The following FBN3 variants were observed in gnomAD, a reference collection of about 807,000 sequenced individuals.
The protein encoded by FBN3 is fibrillin 3.
Under a neutral mutation model 330.1 loss-of-function variants are expected in FBN3, and 234 were observed. The observed-to-expected ratio is 0.71, with a 90% confidence interval of 0.64 to 0.79. The LOEUF (loss-of-function observed/expected upper bound fraction) is 0.79, where lower values mean the gene tolerates loss of function less well. Among genes scored for constraint, FBN3 ranks in the 30% least tolerant of loss-of-function variants. FBN3 has a pLI of 0.00. For synonymous variants in FBN3, 1,458 were observed against 1,517.3 expected (o/e 0.96, Z 0.91); for missense variants, 3,606 against 3,886.9 (o/e 0.93, Z 1.92).
chr19:8,074,658 C>T (rs1329298156), intron 61 of FBN3: 1 of 159,138 alleles, frequency 6.3e-6, no homozygotes, highest in Non-Finnish European at 1.4e-5. Context: ...GCTAGCCCCC[C>T]AAATGGAGGG....
chr19:8,111,161 G>A lies in FBN3; in HGVS notation c.4107C>T (p.Asn1369=), dbSNP rs142576414. 6.1e-4 allele frequency: 988 copies of A among 1,608,102 alleles called. 2 individuals are homozygous for A. The highest frequency in any genetic ancestry group is 5.8e-3 in the Middle Eastern group (35 of 6,030). The change falls in exon 33 of 64, where the codon AAC becomes AAT. Residue 1369 remains asparagine (N), a synonymous_variant. Transcript: ENST00000600128. ...ACTGCCCGTTGTCACAGAGGTCCAC[G>A]TTCTCGGCACATTCATCCCTGTCTG... ...FCEDRDECAE[N]VDLCDNGQCL...
chr19:8,089,679 G>T lies in FBN3; in HGVS notation c.6251-9C>A. 1 of 1,613,778 alleles carries T rather than the reference G, an allele frequency of 6.2e-7. No individual in the cohort carries two copies. Among genetic ancestry groups the T allele is most frequent in the South Asian group, 1.1e-5 (1 of 91,002 alleles). On this transcript the variant is annotated splice_polypyrimidine_tract_variant and intron_variant, in intron 50 of 63. Coordinates refer to ENST00000600128, the MANE Select transcript of FBN3 (RefSeq NM_032447.5). Reference sequence around the variant, plus strand: ...TGCACACTCATTCACGTCTGCGGATGGCAGGCGTTGCAGACATGGCTTCTG... The same window carrying T: ...TGCACACTCATTCACGTCTGCGGATTGCAGGCGTTGCAGACATGGCTTCTG...
At chr19:8,098,755 G>A (rs886793292) in intron 41 of FBN3, among the ~76,000 whole-genome samples, 1 of 152,096 alleles carries the variant, frequency 6.6e-6, no homozygotes, top group African/African-American at 2.4e-5. Flanking sequence ...GAAGTGTGTG[G>A]TATGTGAATT....
chr19:8,098,463 TGGAAACAAACTAAGTGTCCATCAGTGGGG>T (rs1477556377), intron 41 of FBN3, among the ~76,000 whole-genome samples: 2 of 150,852 alleles, frequency 1.3e-5, no homozygotes, highest in Non-Finnish European at 3.0e-5. Context: ...AGTGGGGGAC[TGGAAACAAACTAAGTGTCCATCAGTGGGG>T]GACTGGAAAC....
chr19:8,125,952 AC>A lies in FBN3; in HGVS notation c.2670del (p.Ser891LeufsTer10), dbSNP rs767000098. 6.2e-7 allele frequency: 1 copy of A among 1,613,780 alleles called. No individual in the cohort carries two copies. Among genetic ancestry groups the A allele is most frequent in the East Asian group, 2.2e-5 (1 of 44,860 alleles). The part of the protein sequence containing the change: ...CPNGRCVNTA[G>X]SFRCECPEGL... The stretch of plus-strand genomic sequence containing the variant: ...CCCTCTGGACACTCACAGCGGAAAG[AC>A]CCAGCAGTGTTGACGCAACGCCCGT... On this transcript the variant is annotated frameshift_variant, in exon 22 of 64. Transcript: ENST00000600128. LOFTEE classifies it high-confidence loss of function.
Position 8,106,226 on chromosome 19 carries a change from G to A in FBN3, c.4695C>T (p.Asp1565=), listed in dbSNP as rs576030557. 1.6e-4 allele frequency: 261 copies of A among 1,614,098 alleles called. 3 individuals are homozygous for A. In the South Asian group the frequency reaches 2.0e-3, roughly 12 times the overall value. The stretch of plus-strand genomic sequence containing the variant: ...ACAGCCCTGGCAGCTCTTGGCACTC[G>A]TCGATGTCTGTCAGGAAGTAAGGAA... ...NRITVILEDI[D]ECQELPGLCQ... is the part of the protein sequence containing the mutation. Residue 1565 remains aspartate (D), a synonymous_variant, in exon 38 of 64, where the codon GAC becomes GAT. Transcript: ENST00000600128.
chr19:8,112,215 C>T, intron 30 of FBN3, 116 bp from the exon 31 acceptor site: 1 of 1,123,298 alleles, frequency 8.9e-7, no homozygotes, highest in Non-Finnish European at 1.3e-6. Context: ...CCCAGAAAGC[C>T]TCCTCCCATT....
chr19:8,129,067 G>T lies in FBN3; in HGVS notation c.2257C>A (p.Pro753Thr), dbSNP rs201220144. Residue 753 changes from proline (P) to threonine (T), a missense_variant, in exon 18 of 64, where the codon CCC (proline) becomes ACC (threonine). Coordinates refer to ENST00000600128, the MANE Select transcript of FBN3 (RefSeq NM_032447.5). The surrounding 1 kb of genome is among the most constrained non-coding windows in gnomAD (Gnocchi z 4.5). ...GTGTCCTGCCAGAAGTGGAAGCCGG[G>T]GGGGCAGGAGCAGCTGTAGCTGCCA... The part of the protein sequence containing the change: ...SPGSYSCSCP[P>T]GFHFWQDTEI... 48 of 1,613,336 alleles carry T rather than the reference G, an allele frequency of 3.0e-5. No individual in the cohort carries two copies. Among genetic ancestry groups the T allele is most frequent in the Middle Eastern group, 1.7e-4 (1 of 5,778 alleles).
chr19:8,096,385 G>C lies in FBN3; in HGVS notation c.5539+59C>G. 3.2e-6 allele frequency: 5 copies of C among 1,571,760 alleles called. No individual in the cohort carries two copies. The highest frequency in any genetic ancestry group is 4.3e-6 in the Non-Finnish European group (5 of 1,156,186). The stretch of plus-strand genomic sequence containing the variant: ...GACAGAAACACCACTTCCATCCCAG[G>C]GGAGGTTTAGACCCCAGGCAGCCTG... On this transcript the variant is annotated intron_variant, in intron 44 of 63. Transcript: ENST00000600128. The surrounding 1 kb of genome is among the most constrained non-coding windows in gnomAD (Gnocchi z 4.6).
chr19:8,068,363 C>T (rs1422243845), intron 63 of FBN3, among the ~76,000 whole-genome samples: 1 of 148,522 alleles, frequency 6.7e-6, no homozygotes, highest in Non-Finnish European at 1.5e-5. Flanking sequence ...TGCACTCCAG[C>T]CTGGGCGACA....
chr19:8,105,250 G>GTGGC (rs377186214), intron 38 of FBN3, among the ~76,000 whole-genome samples: 5 of 150,800 alleles, frequency 3.3e-5, no homozygotes, highest in African/African-American at 1.2e-4. Context: ...ACTGTGCCCA[G>GTGGC]TCTTTTTTTT....
intron 56 of FBN3, among the ~76,000 whole-genome samples, chr19:8,084,453 C>T (rs1235295155): frequency 6.6e-6 from 1 of 151,912 alleles, no homozygotes; most frequent in Non-Finnish European, 1.5e-5. Flanking sequence ...GGGCGGATCA[C>T]TTGAGGCCAG....
In FBN3 at chr19:8,085,458, C is replaced by T. The variant is rs753718107; in HGVS notation, c.6992G>A (p.Gly2331Asp). 2 of 1,576,840 alleles carry T rather than the reference C, an allele frequency of 1.3e-6. No individual in the cohort carries two copies. The highest frequency in any genetic ancestry group is 1.9e-5 in the Admixed American group (1 of 53,874). ...ACAGAGCTCGCAGCGGGGCCCCCAG[C>T]CCCGGCCACCCCCACAGCAGCACTC... is the stretch of plus-strand genomic sequence containing the variant. The part of the protein sequence containing the change: ...RAECCCGGGR[G>D]WGPRCELCPL... Residue 2331 changes from glycine (G) to aspartate (D), a missense_variant, in exon 56 of 64, where the codon GGC (glycine) becomes GAC (aspartate). Gly to Asp is a moderately conservative substitution (Grantham distance 94, BLOSUM62 -1). Coordinates refer to ENST00000600128, the MANE Select transcript of FBN3 (RefSeq NM_032447.5).
In FBN3 at chr19:8,080,181, T is replaced by C. The variant is rs534451844; in HGVS notation, c.7453+822A>G. Among the ~76,000 whole-genome samples the C allele has an allele frequency of 2.0e-5, 3 of 152,342 alleles. No homozygotes were observed. The East Asian group carries it at 5.8e-4, about 29-fold the overall frequency. ...AGGGGGCCGGGCTTGGCTGGCAGCCTGGAGTTTGCCACCCTTTGGTCTAGA... is the reference window on the plus strand; with the variant it reads ...AGGGGGCCGGGCTTGGCTGGCAGCCCGGAGTTTGCCACCCTTTGGTCTAGA... On this transcript the variant is annotated intron_variant, in intron 59 of 63. Coordinates refer to ENST00000600128, the MANE Select transcript of FBN3 (RefSeq NM_032447.5).
intron 13 of FBN3, among the ~76,000 whole-genome samples, chr19:8,133,729 G>T (rs1232019826): frequency 6.6e-6 from 1 of 151,910 alleles, no homozygotes; most frequent in African/African-American, 2.4e-5. Context: ...TGGGATTACA[G>T]GCGTGAGCCA....
chr19:8,065,843 C>T lies in FBN3; in HGVS notation c.*76G>A, dbSNP rs2081377185. On this transcript the variant is annotated 3_prime_UTR_variant, in exon 64 of 64. Transcript: ENST00000600128. ...CGGGGTTCAATCTGGTCAGCCATCG[C>T]TTCTGGGGATCAGTCCTTCCCAGTT... The T allele has an allele frequency of 2.4e-6, 3 of 1,240,418 alleles. No homozygotes were observed. Among genetic ancestry groups the T allele is most frequent in the Admixed American group, 4.7e-5 (2 of 42,570 alleles). 76.8% of individuals were successfully genotyped at this position (1,240,418 alleles called of 1,614,324 possible). A position where few individuals can be genotyped will look rare whatever the true frequency, so the allele number is the denominator to read the frequency against.
In FBN3 at chr19:8,102,214, A is replaced by AT. The variant is rs1332148217; in HGVS notation, c.5089+509dup. Among the ~76,000 whole-genome samples, 9 of 133,718 alleles carry AT rather than the reference A, an allele frequency of 6.7e-5. No homozygotes were observed. In the East Asian group the frequency reaches 2.7e-3, roughly 39 times the overall value. The allele number at this position is 133,718 out of a possible 152,430, so 87.7% of individuals were successfully genotyped here. On this transcript the variant is annotated intron_variant, in intron 40 of 63. Transcript: ENST00000600128. ...TCCATTAAAGTCCTCCTTTTTTTTT[A>AT]TTTTTTTATTTTTTTTTTGAGATGG... is the stretch of plus-strand genomic sequence containing the variant.
chr19:8,111,578 C>A, intron 32 of FBN3, 70 bp downstream of exon 32: 1 of 1,401,786 alleles, frequency 7.1e-7, no homozygotes, highest in Non-Finnish European at 9.7e-7. Context: ...GTGACCATGG[C>A]AGCCACCGTG....
At position 8,110,886 on chromosome 19, in the gene FBN3, T is replaced by C. The variant is rs17160194; in HGVS notation, c.4292A>G (p.Asn1431Ser). Reference sequence around the variant, plus strand: ...CCCTCGGTCCAGTTCGTAGCCACCATTGCAGATGCAGCGGAACATTCCAGG... The same window carrying C: ...CCCTCGGTCCAGTTCGTAGCCACCACTGCAGATGCAGCGGAACATTCCAGG... Reference protein sequence around the residue: ...NLPGMFRCICNGGYELDRGGG... With the variant: ...NLPGMFRCICSGGYELDRGGG... The change falls in exon 34 of 64, where the codon AAT (asparagine) becomes AGT (serine). Residue 1431 changes from asparagine to serine, a missense_variant. Transcript: ENST00000600128. 3 of 1,614,212 alleles carry C rather than the reference T, an allele frequency of 1.9e-6. No individual in the cohort carries two copies. Among genetic ancestry groups the C allele is most frequent in the Non-Finnish European group, 2.5e-6 (3 of 1,180,038 alleles).
Sources: gnomAD v4.1 joint callset for allele counts (sites outside exome capture counted in the v4.1 genomes callset) on GRCh38, gnomAD v4.1.1 for gene constraint, Gnocchi (gnomAD v3.1) non-coding constraint, MANE v1.5 for transcripts, NCBI Gene and HGNC (gene_info 2026-07-23, HGNC 2026-07-21) for gene names.